ZNF385D: variants seen among roughly 807,000 people sequenced by gnomAD.
ZNF385D encodes zinc finger protein 385D.
In ZNF385D, 15 loss-of-function variants were observed where a neutral mutation model predicts 35.8. The observed-to-expected ratio is 0.42, with a 90% CI of 0.28 to 0.64. The LOEUF (loss-of-function observed/expected upper bound fraction) is 0.64. Among genes scored for constraint, ZNF385D ranks in the 30% least tolerant of loss-of-function variants. The pLI is 0.23. For synonymous variants in ZNF385D, 212 were observed against 186.8 expected, an observed-to-expected ratio of 1.13 and a Z score of -1.10; for missense variants, 474 against 494.6, an observed-to-expected ratio of 0.96 and a Z score of 0.39.
chr3:22,094,788 G>C (rs1035013028), intron 3 of ZNF385D, among the ~76,000 whole-genome samples: 1 of 152,092 alleles, frequency 6.6e-6, no homozygotes, highest in East Asian at 1.9e-4. Flanking sequence ...CTTTAAAAGA[G>C]TACAGCTGTA....
chr3:22,323,882 T>C (rs1430919440), intron 2 of ZNF385D, among the ~76,000 whole-genome samples: 1 of 152,210 alleles, frequency 6.6e-6, no homozygotes, highest in East Asian at 1.9e-4. Context: ...ACATAACTAA[T>C]ACTTGGTAAA....
chr3:22,355,971 T>C (rs1439584400), intron 2 of ZNF385D, among the ~76,000 whole-genome samples: 1 of 152,058 alleles, frequency 6.6e-6, no homozygotes, highest in Non-Finnish European at 1.5e-5. Flanking sequence ...ATCTTGTAAG[T>C]AGCATTTTTA....
At chr3:21,981,990 G>A (rs572855411) in intron 3 of ZNF385D, among the ~76,000 whole-genome samples, 2 of 151,624 alleles carry the variant, frequency 1.3e-5, no homozygotes, top group South Asian at 2.1e-4. Context: ...TTGAAGTCAG[G>A]TAACATGATG....
At chr3:21,675,856 A>G (rs749393003) in intron 1 of ZNF385D, among the ~76,000 whole-genome samples, 2 of 152,148 alleles carry the variant, frequency 1.3e-5, no homozygotes, top group East Asian at 3.9e-4. Flanking sequence ...TATTTATTCA[A>G]TTGTCCCTTT....
In ZNF385D at chr3:21,750,911, T is replaced by C; in HGVS notation, c.6A>G (p.Arg2=). Residue 2 remains arginine, a synonymous_variant, in exon 1 of 8, where the codon AGA becomes AGG. Transcript: ENST00000281523. The part of the protein sequence containing the change: M[R]NIMYFGGTCQ... The stretch of plus-strand genomic sequence containing the variant: ...AACACTCACCAAAATACATTATGTT[T>C]CTCATTAATCAGACAGCTGGAATCC... The C allele has an allele frequency of 3.7e-6, 6 of 1,614,180 alleles. No homozygotes were observed. The highest frequency in any genetic ancestry group is 5.1e-6 in the Non-Finnish European group (6 of 1,180,014).
chr3:22,042,691 G>A (rs1455894607), intron 3 of ZNF385D, among the ~76,000 whole-genome samples: 1 of 152,118 alleles, frequency 6.6e-6, no homozygotes, highest in East Asian at 1.9e-4. Flanking sequence ...TCAAAAGTCT[G>A]AGTCTTCTCA....
At chr3:21,999,705 T>C (rs1257225988) in intron 3 of ZNF385D, among the ~76,000 whole-genome samples, 2 of 150,024 alleles carry the variant, frequency 1.3e-5, no homozygotes, top group Admixed American at 1.3e-4. Context: ...GCTTCAAAAA[T>C]AGACTAGATT....
chr3:21,855,636 T>C (rs1696667542), intron 3 of ZNF385D, among the ~76,000 whole-genome samples: 1 of 152,056 alleles, frequency 6.6e-6, no homozygotes. Context: ...AATATAGACC[T>C]GGAGCTCTTC....
At chr3:21,788,679 G>A (rs949202300) in intron 3 of ZNF385D, among the ~76,000 whole-genome samples, 2 of 151,850 alleles carry the variant, frequency 1.3e-5, no homozygotes, top group Non-Finnish European at 2.9e-5. Flanking sequence ...TTTTTGATTC[G>A]GGGGCATATG....
intron 2 of ZNF385D, among the ~76,000 whole-genome samples, chr3:22,223,748 G>A (rs1208494006): frequency 6.6e-6 from 1 of 152,060 alleles, no homozygotes; most frequent in African/African-American, 2.4e-5. Context: ...TAAGGTGAGT[G>A]GAACATTTTC....
chr3:22,123,952 CTCTCTCTCTCTATATATATA>C (rs1460234561), intron 3 of ZNF385D, among the ~76,000 whole-genome samples: 1 of 102,122 alleles, frequency 9.8e-6, no homozygotes, highest in Non-Finnish European at 2.0e-5. Context: ...CTCTCTCTCT[CTCTCTCTCTCTATATATATA>C]TATATATATA....
At chr3:22,230,152 A>G (rs141987001) in intron 2 of ZNF385D, among the ~76,000 whole-genome samples, 63 of 152,304 alleles carry the variant, frequency 4.1e-4, no homozygotes, top group Non-Finnish European at 7.9e-4. Context: ...ATACTGGAGA[A>G]AATTCAAATT....
At chr3:22,171,642 C>A (rs1016623248) in intron 2 of ZNF385D, among the ~76,000 whole-genome samples, 1 of 151,888 alleles carries the variant, frequency 6.6e-6, no homozygotes, top group Non-Finnish European at 1.5e-5. Context: ...TTTGGGAGGC[C>A]GAGGCGGGTG....
intron 3 of ZNF385D, among the ~76,000 whole-genome samples, chr3:22,029,676 G>A (rs1378527287): frequency 6.6e-6 from 1 of 152,150 alleles, no homozygotes. Context: ...CGTGACATGA[G>A]ATTTTTTGAC....
rs113837906 is a variant in ZNF385D, at chr3:21,973,647, C to T, written c.325+195170G>A. Among the ~76,000 whole-genome samples, 6 of 151,988 alleles carry T rather than the reference C, an allele frequency of 3.9e-5. 1 individual carries two copies. The highest frequency in any genetic ancestry group is 1.4e-4 in the African/African-American group (6 of 41,520). On this transcript the variant is annotated intron_variant, in intron 3 of 5. Coordinates refer to the ZNF385D transcript ENST00000494108. ...AAAGAAGTAAAATTATCCTTGTTTG[C>T]AGATGATATGATTTTATATTTGGAA...
At chr3:22,154,388 G>A (rs1705451411) in intron 3 of ZNF385D, among the ~76,000 whole-genome samples, 1 of 152,110 alleles carries the variant, frequency 6.6e-6, no homozygotes, top group South Asian at 2.1e-4. Flanking sequence ...TACCTTCCCA[G>A]GATCCAGAGT....
At chr3:21,920,020 C>T (rs1194714926) in intron 3 of ZNF385D, among the ~76,000 whole-genome samples, 1 of 152,002 alleles carries the variant, frequency 6.6e-6, no homozygotes, top group Non-Finnish European at 1.5e-5. Context: ...AAATCATTTC[C>T]AGGGGTTGAG....
intron 3 of ZNF385D, among the ~76,000 whole-genome samples, chr3:22,096,723 G>A (rs1038166947): frequency 5.9e-5 from 9 of 151,944 alleles, no homozygotes; most frequent in Admixed American, 2.0e-4. Context: ...CATTCCCCAC[G>A]CTGTTCTATG....
At position 21,525,332 on chromosome 3, in the gene ZNF385D, T is replaced by C. The variant is rs541777156; in HGVS notation, c.277-14309A>G. ...GAGACTGCATTTGGCGTGTATTTTT[T>C]TTTTCCAATGGCATTTGCCGTTAGC... is the stretch of plus-strand genomic sequence containing the variant. On this transcript the variant is annotated intron_variant, in intron 3 of 7. Transcript: ENST00000281523. Among the ~76,000 whole-genome samples, 157 of 152,306 alleles carry C rather than the reference T, an allele frequency of 1.0e-3. 1 individual carries two copies. Among genetic ancestry groups the C allele is most frequent in the Middle Eastern group, 3.4e-3 (1 of 294 alleles).
Sources: gnomAD v4.1 joint callset for allele counts (sites outside exome capture counted in the v4.1 genomes callset) on GRCh38, gnomAD v4.1.1 for gene constraint, MANE v1.5 for transcripts, NCBI Gene and HGNC (gene_info 2026-07-23, HGNC 2026-07-21) for gene names.